SPINDOC: variants seen among roughly 807,000 people sequenced by gnomAD.
The protein encoded by SPINDOC is spindlin interactor and repressor of chromatin binding.
A neutral mutation model predicts 30.7 loss-of-function variants in SPINDOC; 13 were observed. That is an observed-to-expected ratio of 0.42 (90% CI 0.28 to 0.67). The LOEUF is 0.67. SPINDOC is among the 30% of genes least tolerant of loss of function. The pLI is 0.22. For missense variants in SPINDOC, 438 were observed against 518.0 expected (o/e 0.85, Z 1.50); for synonymous variants, 228 against 211.4 (o/e 1.08, Z -0.68).
intron 5 of SPINDOC, chr11:63,822,625 CT>C (rs1372179748): frequency 7.8e-7 from 1 of 1,289,102 alleles, no homozygotes; most frequent in Admixed American, 2.3e-5. Flanking sequence ...TTTTAACTGT[CT>C]CAAGTTTCAG....
chr11:63,813,885 G>T (rs954919471), intron 1 of SPINDOC, 72 bp downstream of exon 1: 2 of 1,413,776 alleles, frequency 1.4e-6, no homozygotes, highest in Admixed American at 2.8e-5. Flanking sequence ...TCCCCAGTCG[G>T]GGTCCGGGAC....
intron 5 of SPINDOC, chr11:63,823,353 C>G (rs771572855): frequency 1.7e-6 from 2 of 1,176,064 alleles, no homozygotes; most frequent in Non-Finnish European, 2.1e-6. Flanking sequence ...AAATAAAGAT[C>G]CTGCCACTTT....
intron 1 of SPINDOC, among the ~76,000 whole-genome samples, chr11:63,814,635 A>G (rs1315850676): frequency 1.3e-5 from 2 of 152,204 alleles, no homozygotes; most frequent in Non-Finnish European, 2.9e-5. Context: ...CTTAGGCGGG[A>G]TAGTACCCAA....
intron 1 of SPINDOC, among the ~76,000 whole-genome samples, chr11:63,814,980 G>A (rs2015301070): frequency 6.8e-6 from 1 of 147,726 alleles, no homozygotes; most frequent in Admixed American, 6.6e-5. Context: ...GGCTGTTTAG[G>A]CTAGTGTTTT....
Position 63,819,344 on chromosome 11 carries a change from G to C in SPINDOC, c.934+342G>C, listed in dbSNP as rs111811630. The stretch of plus-strand genomic sequence containing the variant: ...TCCTGCCTCACCCTCCCTAGTAGCT[G>C]GGATTACAGGCGTGCGCCACCATAC... On this transcript the variant is annotated intron_variant, in intron 5 of 5. Coordinates refer to ENST00000294244, the MANE Select transcript of SPINDOC (RefSeq NM_138471.3). Among the ~76,000 whole-genome samples the C allele has an allele frequency of 2.6e-5, 4 of 152,168 alleles. No individual in the cohort carries two copies. In the East Asian group the frequency reaches 7.7e-4, roughly 29 times the overall value.
At position 63,826,995 on chromosome 11, in the gene SPINDOC, A is replaced by C; in HGVS notation, c.1002A>C (p.Pro334=). 6.2e-7 allele frequency: 1 copy of C among 1,613,898 alleles called. No individual in the cohort carries two copies. Among genetic ancestry groups the C allele is most frequent in the Non-Finnish European group, 8.5e-7 (1 of 1,179,824 alleles). ...TCCGCGTGCGGATGGAGGAGCCCCC[A>C]GCGGTCAGCCTCCTGCAAGACTGGT... The part of the protein sequence containing the change: ...QVIRVRMEEP[P]AVSLLQDWSR... The change falls in exon 6 of 6, where the codon CCA becomes CCC. Residue 334 remains proline, a synonymous_variant. Coordinates refer to ENST00000294244, the MANE Select transcript of SPINDOC (RefSeq NM_138471.3).
chr11:63,816,948 G>T (rs1331619614), intron 1 of SPINDOC, among the ~76,000 whole-genome samples: 1 of 152,150 alleles, frequency 6.6e-6, no homozygotes, highest in Non-Finnish European at 1.5e-5. Flanking sequence ...CAGGAGGATT[G>T]CTTGAGCCCG....
At position 63,818,882 on chromosome 11, in the gene SPINDOC, G is replaced by A. The variant is rs1022972421; in HGVS notation, c.814G>A (p.Ala272Thr). The change falls in exon 5 of 6, where the codon GCC becomes ACC. Residue 272 changes from alanine (A) to threonine (T), a missense_variant. By Grantham distance (58) the Ala-to-Thr change is moderately conservative. Around this residue, in one of 3 missense-constraint regions of SPINDOC, gnomAD observed 300 missense variants for 332.8 expected, o/e 0.90. Transcript: ENST00000294244. The surrounding 1 kb of genome is among the most constrained non-coding windows in gnomAD (Gnocchi z 5.3). The part of the protein sequence containing the change: ...VRHFTDGSFP[A>T]GFVLQLFSHT... ...ACACTTCACTGACGGCAGCTTCCCC[G>A]CCGGCTTCGTCTTGCAGCTCTTCTC... 1.9e-5 allele frequency: 30 copies of A among 1,613,924 alleles called. No homozygotes were observed. The highest frequency in any genetic ancestry group is 2.7e-5 in the African/African-American group (2 of 74,936).
chr11:63,826,390 G>A (rs1468821591), intron 5 of SPINDOC, among the ~76,000 whole-genome samples: 2 of 152,144 alleles, frequency 1.3e-5, no homozygotes, highest in Non-Finnish European at 2.9e-5. Context: ...TGGACACCTG[G>A]TCTTGGTGAT....
chr11:63,823,195 G>A (rs555284279), intron 5 of SPINDOC: 12 of 1,289,124 alleles, frequency 9.3e-6, no homozygotes, highest in South Asian at 3.7e-5. Flanking sequence ...GGTTCTTTGC[G>A]GAGCAGAGGC....
At position 63,822,514 on chromosome 11, in the gene SPINDOC, G is replaced by A; in HGVS notation, c.934+3512G>A. The A allele has an allele frequency of 3.4e-6, 3 of 894,416 alleles. No homozygotes were observed. The South Asian group carries it at 4.1e-5, about 12-fold the overall frequency. The allele number at this position is 894,416 out of a possible 1,614,324, so 55.4% of individuals were successfully genotyped here. A position where few individuals can be genotyped will look rare whatever the true frequency, so the allele number is the denominator to read the frequency against. On this transcript the variant is annotated intron_variant, in intron 5 of 5. Transcript: ENST00000294244. ...GTATCCTTCAGAGAGAGCTCTCTGT[G>A]TGTTTGCGTGTGTGTGTAGTTGCTT... is the stretch of plus-strand genomic sequence containing the variant.
Position 63,826,938 on chromosome 11 carries a change from G to A in SPINDOC, c.945G>A (p.Pro315=), listed in dbSNP as rs777393735. ...CTCATCCCTGCCCAGCTCCCCCTCC[G>A]GGGCTCCGCGGGACACTGGATCTCC... ...RAESPSPAPP[P]GLRGTLDLQV... Residue 315 remains proline (P), a synonymous_variant, in exon 6 of 6, where the codon CCG becomes CCA. Transcript: ENST00000294244. The A allele has an allele frequency of 1.2e-5, 19 of 1,546,996 alleles. No individual in the cohort carries two copies. The highest frequency in any genetic ancestry group is 5.0e-5 in the Admixed American group (3 of 59,492).
chr11:63,815,730 A>G (rs1413980220), intron 1 of SPINDOC, among the ~76,000 whole-genome samples: 1 of 152,108 alleles, frequency 6.6e-6, no homozygotes, highest in African/African-American at 2.4e-5. Flanking sequence ...GATGCTGGAG[A>G]TACAGATGCA....
In SPINDOC at chr11:63,827,158, AG is replaced by A; in HGVS notation, c.*22del. ...AGTGTAAATTCTTGCTTTCCTGGGG[AG>A]GGAGGGAGGGATGAGGCAGCGTCCC... On this transcript the variant is annotated 3_prime_UTR_variant, in exon 6 of 6. Coordinates refer to ENST00000294244, the MANE Select transcript of SPINDOC (RefSeq NM_138471.3). The A allele has an allele frequency of 1.7e-6, 1 of 577,186 alleles. No individual in the cohort carries two copies. Among genetic ancestry groups the A allele is most frequent in the Admixed American group, 2.0e-5 (1 of 50,648 alleles). The allele number at this position is 577,186 out of a possible 1,614,324, so 35.8% of individuals were successfully genotyped here. A position where few individuals can be genotyped will look rare whatever the true frequency, so the allele number is the denominator to read the frequency against.
chr11:63,820,909 A>AAAC (rs749681859), intron 5 of SPINDOC, among the ~76,000 whole-genome samples: 2 of 138,324 alleles, frequency 1.4e-5, no homozygotes. Context: ...AAAAAAAAAC[A>AAAC]ACACACATCG....
At chr11:63,823,404 G>T in intron 5 of SPINDOC, 2 of 1,081,090 alleles carry the variant, frequency 1.8e-6, no homozygotes, top group Non-Finnish European at 2.4e-6. Context: ...TTTAACAGTT[G>T]GAAAAGGCCA....
intron 1 of SPINDOC, among the ~76,000 whole-genome samples, chr11:63,816,002 G>A (rs1287069877): frequency 6.6e-6 from 1 of 152,142 alleles, no homozygotes; most frequent in Non-Finnish European, 1.5e-5. Flanking sequence ...CTCAACCTCA[G>A]GTGATCCGCC....
intron 1 of SPINDOC, 50 bp from the exon 2 acceptor site, chr11:63,817,755 T>C (rs922657436): frequency 3.4e-6 from 5 of 1,459,240 alleles, no homozygotes; most frequent in Admixed American, 4.4e-5. Flanking sequence ...CTAAGTGTTG[T>C]TGGTTGTGGG....
intron 5 of SPINDOC, among the ~76,000 whole-genome samples, chr11:63,821,027 G>C (rs2015506203): frequency 6.6e-6 from 1 of 152,064 alleles, no homozygotes; most frequent in Non-Finnish European, 1.5e-5. Context: ...ACTCCAGCCT[G>C]GACGACAGAA....
Sources: gnomAD v4.1 joint callset for allele counts (sites outside exome capture counted in the v4.1 genomes callset) on GRCh38, gnomAD v4.1.1 for gene constraint, gnomAD v4.1.1 regional missense constraint, Gnocchi (gnomAD v3.1) non-coding constraint, MANE v1.5 for transcripts, NCBI Gene and HGNC (gene_info 2026-07-23, HGNC 2026-07-21) for gene names.